Variants in ARL1 observed in about 807,000 individuals in gnomAD.
ARL1 encodes ARF like GTPase 1, also known as ADP-ribosylation factor-like protein 1.
A neutral mutation model predicts 30.1 loss-of-function variants in ARL1; 17 were observed. The observed-to-expected ratio is 0.56, with a 90% CI of 0.39 to 0.85. ARL1 has a LOEUF of 0.85. Among genes scored for constraint, ARL1 ranks in the 40% least tolerant of loss-of-function variants. The pLI, the probability that ARL1 is intolerant of heterozygous loss-of-function variation, is 0.00. For synonymous variants in ARL1, 58 were observed against 71.7 expected, an observed-to-expected ratio of 0.81 and a Z score of 0.97; for missense variants, 102 against 212.6, an observed-to-expected ratio of 0.48 and a Z score of 3.24.
At chr12:101,402,725 G>A (rs1243197537) in intron 3 of ARL1, 140 bp downstream of exon 3, 1 of 494,890 alleles carries the variant, frequency 2.0e-6, no homozygotes, top group Non-Finnish European at 3.5e-6. Flanking sequence ...TAAGGAAATA[G>A]TTCCCAATTT....
chr12:101,403,311 A>G, intron 2 of ARL1: 1 of 406,442 alleles, frequency 2.5e-6, no homozygotes, highest in Non-Finnish European at 4.7e-6. Context: ...AATTTAAAAA[A>G]GAAATAAAAA....
intron 4 of ARL1, among the ~76,000 whole-genome samples, chr12:101,397,642 G>A (rs1431914699): frequency 4.6e-5 from 7 of 152,024 alleles, no homozygotes; most frequent in Admixed American, 4.6e-4. Flanking sequence ...TGGGACTACA[G>A]GTGCCCGCTG....
At chr12:101,397,793 C>A (rs775970113) in intron 4 of ARL1, among the ~76,000 whole-genome samples, 2 of 151,990 alleles carry the variant, frequency 1.3e-5, no homozygotes, top group Non-Finnish European at 1.5e-5. Flanking sequence ...TAAGCCACCG[C>A]GCCCTGCTGA....
chr12:101,407,768 G>C lies in ARL1; in HGVS notation c.-123C>G, dbSNP rs1249940836. ...CTTCCACGTCGGACTCCAGGCGGGG[G>C]CGGGAGCGAGGGTCAGCTGCGACTG... On this transcript the variant is annotated 5_prime_UTR_variant, in exon 1 of 6. Coordinates refer to ENST00000261636, the MANE Select transcript of ARL1 (RefSeq NM_001177.6). The C allele has an allele frequency of 2.1e-6, 3 of 1,448,294 alleles. No individual in the cohort carries two copies. The highest frequency in any genetic ancestry group is 2.9e-6 in the Non-Finnish European group (3 of 1,041,506). The allele number at this position is 1,448,294 out of a possible 1,614,324, so 89.7% of individuals were successfully genotyped here. A position where few individuals can be genotyped will look rare whatever the true frequency, so the allele number is the denominator to read the frequency against.
chr12:101,403,371 C>G, intron 2 of ARL1: 1 of 313,026 alleles, frequency 3.2e-6, no homozygotes, highest in Non-Finnish European at 6.2e-6. Context: ...TTAAACTCCC[C>G]TCATAATAGA....
At chr12:101,404,936 A>C (rs1871398823) in intron 2 of ARL1, among the ~76,000 whole-genome samples, 1 of 152,118 alleles carries the variant, frequency 6.6e-6, no homozygotes, top group Non-Finnish European at 1.5e-5. Context: ...CAATGGTGCA[A>C]TCTTGGCCTG....
In ARL1 at chr12:101,396,443, T is replaced by G. The variant is rs1871156183; in HGVS notation, c.471A>C (p.Lys157Asn). The change falls in exon 5 of 6, where the codon AAA (lysine) becomes AAC (asparagine). Residue 157 changes from lysine to asparagine, a missense_variant. Lys to Asn is a moderately conservative substitution (Grantham distance 94). Coordinates refer to ENST00000261636, the MANE Select transcript of ARL1 (RefSeq NM_001177.6). Reference protein sequence around the residue: ...ALKDRKWQIFKTSATKGTGLD... With the variant: ...ALKDRKWQIFNTSATKGTGLD... ...GGCCGGTGCCTTTGGTTGCTGACGT[T>G]TTGAATATCTGCCATTTTCGGTCCT... is the stretch of plus-strand genomic sequence containing the variant. The G allele has an allele frequency of 1.2e-6, 2 of 1,613,900 alleles. No homozygotes were observed. The highest frequency in any genetic ancestry group is 1.7e-5 in the Admixed American group (1 of 59,998).
chr12:101,401,429 G>A, intron 3 of ARL1: 1 of 234,978 alleles, frequency 4.3e-6, no homozygotes, highest in Non-Finnish European at 8.2e-6. Context: ...CTGAGGTCGG[G>A]AGTTCGAGAC....
intron 3 of ARL1, among the ~76,000 whole-genome samples, chr12:101,402,474 A>AAT (rs1871332186): frequency 1.3e-5 from 2 of 152,242 alleles, no homozygotes; most frequent in South Asian, 4.1e-4. Context: ...GGCGTGAGCT[A>AAT]CCATGCCCGG....
chr12:101,404,415 C>T (rs1461333625), intron 2 of ARL1, among the ~76,000 whole-genome samples: 2 of 152,166 alleles, frequency 1.3e-5, no homozygotes, highest in East Asian at 3.8e-4. Context: ...TAAAGCAGCA[C>T]TCACTGAAAC....
At chr12:101,396,174 A>C in intron 5 of ARL1, 1 of 620,840 alleles carries the variant, frequency 1.6e-6, no homozygotes, top group Non-Finnish European at 2.8e-6. Flanking sequence ...AAGGCTAAAA[A>C]TTGGCAAAGA....
In ARL1 at chr12:101,393,742, C is replaced by T. The variant is rs1180209265; in HGVS notation, c.*1898G>A. ...AGCGGCTACATGCCGGGTCTGCCTG[C>T]CAGGACCTTACTTCCCATTTTTTGC... On this transcript the variant is annotated 3_prime_UTR_variant, in exon 6 of 6. Coordinates refer to ENST00000261636, the MANE Select transcript of ARL1 (RefSeq NM_001177.6). 1 of 152,146 alleles carries T rather than the reference C, an allele frequency of 6.6e-6. No individual in the cohort carries two copies. Among genetic ancestry groups the T allele is most frequent in the Non-Finnish European group, 1.5e-5 (1 of 68,072 alleles). 9.4% of individuals were successfully genotyped at this position (152,146 alleles called of 1,614,324 possible). A position where few individuals can be genotyped will look rare whatever the true frequency, so the allele number is the denominator to read the frequency against.
rs1871055291 is a variant in ARL1, at chr12:101,393,172, C to G, written c.*2468G>C. ...TCAATACATATTTATTGAGTGCCTA[C>G]TGTGTGCCAGGTGCACCACACTAGA... is the stretch of plus-strand genomic sequence containing the variant. On this transcript the variant is annotated 3_prime_UTR_variant, in exon 6 of 6. Transcript: ENST00000261636. The G allele has an allele frequency of 6.6e-6, 1 of 152,118 alleles. No individual in the cohort carries two copies. Among genetic ancestry groups the G allele is most frequent in the Non-Finnish European group, 1.5e-5 (1 of 68,034 alleles). The allele number at this position is 152,118 out of a possible 1,614,324, so 9.4% of individuals were successfully genotyped here. A position where few individuals can be genotyped will look rare whatever the true frequency, so the allele number is the denominator to read the frequency against.
At chr12:101,403,043 TATTAGAGTTTAAAATATATATATATATA>T (rs1274211989) in intron 2 of ARL1, 97 bp from the exon 3 acceptor site, 22 of 616,580 alleles carry the variant, frequency 3.6e-5, no homozygotes, top group Non-Finnish European at 4.9e-5. Flanking sequence ...TGGTAACTGT[TATTAGAGTTTAAAATATATATATATATA>T]ATTTGTCTTA....
chr12:101,396,375 G>A lies in ARL1; in HGVS notation c.515+24C>T, dbSNP rs116437821. On this transcript the variant is annotated intron_variant, in intron 5 of 5. Coordinates refer to ENST00000261636, the MANE Select transcript of ARL1 (RefSeq NM_001177.6). ...TGCAAGCACACACAAATGCACAGATGGCTTCTGGAAGCATGATACTTGCCA... is the reference window on the plus strand; with the variant it reads ...TGCAAGCACACACAAATGCACAGATAGCTTCTGGAAGCATGATACTTGCCA... 4.5e-4 allele frequency: 730 copies of A among 1,613,888 alleles called. 2 individuals carry two copies. In the African/African-American group the frequency reaches 7.8e-3, roughly 17 times the overall value.
At chr12:101,407,820 C>A, upstream of ARL1, 1 of 861,710 alleles carries the variant, frequency 1.2e-6, no homozygotes, top group South Asian at 1.5e-5. Context: ...GCCTGAGCAT[C>A]CGCGTCGTCG....
intron 4 of ARL1, among the ~76,000 whole-genome samples, chr12:101,397,055 A>G (rs1278014924): frequency 6.6e-6 from 1 of 152,230 alleles, no homozygotes; most frequent in Non-Finnish European, 1.5e-5. Context: ...AACCCAAGTG[A>G]CAGGGTCTTT....
At chr12:101,401,268 C>A in intron 3 of ARL1, 95 bp from the exon 4 acceptor site, 1 of 760,532 alleles carries the variant, frequency 1.3e-6, no homozygotes, top group South Asian at 1.6e-5. Flanking sequence ...ATGTTAGAAT[C>A]AATGCCTTAA....
intron 3 of ARL1, 46 bp downstream of exon 3, chr12:101,402,819 C>A: frequency 7.4e-7 from 1 of 1,353,756 alleles, no homozygotes; most frequent in Non-Finnish European, 1.0e-6. Flanking sequence ...TTAAAAGAAT[C>A]AATAAATGTC....
Sources: gnomAD v4.1 joint callset for allele counts (sites outside exome capture counted in the v4.1 genomes callset) on GRCh38, gnomAD v4.1.1 for gene constraint, MANE v1.5 for transcripts, NCBI Gene and HGNC (gene_info 2026-07-23, HGNC 2026-07-21) for gene names.